Variants in ZNF560 observed in about 807,000 individuals in gnomAD.
The protein encoded by ZNF560 is zinc finger protein 560.
Under a neutral mutation model 81.8 loss-of-function variants are expected in ZNF560, and 54 were observed. That is an observed-to-expected ratio of 0.66 (90% CI 0.53 to 0.83). The LOEUF is 0.83. ZNF560 is among the 40% of genes least tolerant of loss of function. ZNF560 has a pLI of 0.00. For synonymous variants in ZNF560, 321 were observed against 317.9 expected (o/e 1.01, Z -0.10); for missense variants, 940 against 932.4 (o/e 1.01, Z -0.11).
chr19:9,487,776 C>T (rs1262602400), intron 2 of ZNF560, among the ~76,000 whole-genome samples: 6 of 152,190 alleles, frequency 3.9e-5, no homozygotes, highest in Non-Finnish European at 8.8e-5. Flanking sequence ...ACCTTATCAT[C>T]CTTGTACATC....
chr19:9,492,310 T>G (rs1285598850), intron 2 of ZNF560, among the ~76,000 whole-genome samples: 1 of 152,100 alleles, frequency 6.6e-6, no homozygotes, highest in Non-Finnish European at 1.5e-5. Flanking sequence ...ATCATGAAGG[T>G]GACTAAGATT....
chr19:9,497,534 C>CA (rs58468618), intron 2 of ZNF560, among the ~76,000 whole-genome samples: 14,147 of 67,362 alleles, frequency 0.21, 1,006 homozygotes, highest in South Asian at 0.32. Flanking sequence ...GACCCCCTCT[C>CA]AAAAAAAAAA....
At chr19:9,504,626 T>A in the ZNF560 span, among the ~76,000 whole-genome samples, 1 of 152,194 alleles carries the variant, frequency 6.6e-6, no homozygotes, top group Non-Finnish European at 1.5e-5. Context: ...ACTGATCTTC[T>A]ATGTAGATGT....
chr19:9,465,675 G>A (rs571367708), downstream of ZNF560, among the ~76,000 whole-genome samples: 99 of 152,270 alleles, frequency 6.5e-4, 6 homozygotes, highest in South Asian at 0.02. Context: ...ACTTCCAAAA[G>A]GATTTTCCTC....
At chr19:9,471,400 AG>A in intron 5 of ZNF560, 22 bp from the exon 6 acceptor site, 2 of 1,441,708 alleles carry the variant, frequency 1.4e-6, no homozygotes, top group Non-Finnish European at 1.8e-6. Flanking sequence ...ACATAAACTG[AG>A]GTTTTTTTTT....
At chr19:9,446,363 C>T in the ZNF560 span, among the ~76,000 whole-genome samples, 2 of 131,368 alleles carry the variant, frequency 1.5e-5, no homozygotes, top group Admixed American at 8.0e-5. Context: ...TTTGCCAAGT[C>T]ATACACACAC....
chr19:9,446,117 T>C, the ZNF560 span, among the ~76,000 whole-genome samples: 1 of 152,156 alleles, frequency 6.6e-6, no homozygotes, highest in Non-Finnish European at 1.5e-5. Flanking sequence ...TCATGATGTG[T>C]GCCTCTGGTT....
the ZNF560 span, among the ~76,000 whole-genome samples, chr19:9,456,645 A>C: frequency 2.0e-5 from 3 of 152,228 alleles, no homozygotes; most frequent in Non-Finnish European, 4.4e-5. Flanking sequence ...GGCCGTCTGC[A>C]TGGCCAATTC....
chr19:9,458,780 C>T, the ZNF560 span, among the ~76,000 whole-genome samples: 1 of 152,178 alleles, frequency 6.6e-6, no homozygotes, highest in Non-Finnish European at 1.5e-5. Flanking sequence ...ACAGATACAG[C>T]ATTACCTGGA....
At chr19:9,505,640 G>A in the ZNF560 span, among the ~76,000 whole-genome samples, 4 of 152,070 alleles carry the variant, frequency 2.6e-5, no homozygotes, top group African/African-American at 7.2e-5. Flanking sequence ...TTGATTTTTA[G>A]AGTGAATCAT....
At chr19:9,458,875 A>G in the ZNF560 span, among the ~76,000 whole-genome samples, 1 of 152,208 alleles carries the variant, frequency 6.6e-6, no homozygotes, top group Non-Finnish European at 1.5e-5. Flanking sequence ...TGGCAAATGG[A>G]TGTCACACAT....
At chr19:9,465,511 G>A (rs1257021177), downstream of ZNF560, among the ~76,000 whole-genome samples, 2 of 152,084 alleles carry the variant, frequency 1.3e-5, no homozygotes, top group African/African-American at 4.8e-5. Flanking sequence ...AGATTCCAAC[G>A]GTTCTCCCAC....
Position 9,475,360 on chromosome 19 carries a change from C to T in ZNF560, c.-47G>A, listed in dbSNP as rs1166630277. 1.9e-6 allele frequency: 3 copies of T among 1,597,904 alleles called. No individual in the cohort carries two copies. The highest frequency in any genetic ancestry group is 3.4e-5 in the Admixed American group (2 of 59,234). ...TTCTTCATGAAGGCAGATTGGGTTC[C>T]TAGAAAGACCTGGAAAAGAAAGAAG... On this transcript the variant is annotated 5_prime_UTR_variant, in exon 3 of 10. Transcript: ENST00000301480.
At chr19:9,464,022 C>T (rs2072976592), downstream of ZNF560, among the ~76,000 whole-genome samples, 1 of 152,136 alleles carries the variant, frequency 6.6e-6, no homozygotes, top group Admixed American at 6.5e-5. Flanking sequence ...TTTGGATTAC[C>T]ATTACACTGG....
chr19:9,466,108 G>A (rs2073010734), downstream of ZNF560, among the ~76,000 whole-genome samples: 2 of 152,180 alleles, frequency 1.3e-5, no homozygotes, highest in African/African-American at 4.8e-5. Flanking sequence ...CATTTTGGGA[G>A]GTGGAAGCAC....
upstream of ZNF560, among the ~76,000 whole-genome samples, chr19:9,500,729 A>C (rs994843876): frequency 1.1e-4 from 16 of 151,938 alleles, no homozygotes; most frequent in Non-Finnish European, 2.4e-4. Context: ...TGCCCACCAC[A>C]ACACCTGGCT....
rs777686837 is a variant in ZNF560 at position 9,475,352 on chromosome 19, T to C, written c.-39A>G. Reference sequence around the variant, plus strand: ...TCTGTCTTTTCTTCATGAAGGCAGATTGGGTTCCTAGAAAGACCTGGAAAA... The same window carrying C: ...TCTGTCTTTTCTTCATGAAGGCAGACTGGGTTCCTAGAAAGACCTGGAAAA... On this transcript the variant is annotated 5_prime_UTR_variant, in exon 3 of 10. Transcript: ENST00000301480. 5.0e-5 allele frequency: 81 copies of C among 1,609,702 alleles called. No homozygotes were observed. The highest frequency in any genetic ancestry group is 1.7e-4 in the Admixed American group (10 of 59,746).
At position 9,469,589 on chromosome 19, in the gene ZNF560, G is replaced by A. The variant is rs747764629; in HGVS notation, c.529+41C>T. ...TTCATTGTGCTTCCAAACGTACTGA[G>A]AACTTCTCATGGACCAGGGTTGTTC... On this transcript the variant is annotated intron_variant, in intron 8 of 9. Transcript: ENST00000301480. 3.2e-6 allele frequency: 5 copies of A among 1,579,314 alleles called. No individual in the cohort carries two copies. The East Asian group carries it at 9.0e-5, about 28-fold the overall frequency.
chr19:9,475,810 G>A (rs1000110503), intron 2 of ZNF560, among the ~76,000 whole-genome samples: 1 of 151,978 alleles, frequency 6.6e-6, no homozygotes, highest in Non-Finnish European at 1.5e-5. Context: ...GTTTCACCGT[G>A]TTACCCAGGA....
Sources: allele counts gnomAD v4.1 joint callset (sites outside exome capture counted in the v4.1 genomes callset), GRCh38; gene constraint gnomAD v4.1.1; transcripts MANE v1.5; gene names NCBI Gene and HGNC (gene_info 2026-07-23, HGNC 2026-07-21).